Variants in MYO1D observed in about 807,000 individuals in gnomAD.
MYO1D encodes the protein myosin ID.
MYO1D carries 83 observed loss-of-function variants against 122.0 expected under a neutral mutation model. The ratio of observed to expected loss-of-function variants is 0.68; its 90% confidence interval spans 0.57 to 0.82. MYO1D has a LOEUF of 0.82. Ranked by LOEUF, MYO1D falls within the 40% of genes least tolerant of loss-of-function variation. MYO1D has a pLI of 0.00. For synonymous variants in MYO1D, 464 were observed against 446.9 expected (o/e 1.04, Z -0.48); for missense variants, 1,157 against 1,269.5 (o/e 0.91, Z 1.35).
In MYO1D at chr17:32,633,783, C is replaced by T. The variant is rs534554122; in HGVS notation, c.2709+4939G>A. 1.6e-4 allele frequency among the ~76,000 whole-genome samples: 24 copies of T among 152,232 alleles called. No individual in the cohort carries two copies. The South Asian group carries it at 4.8e-3, about 30-fold the overall frequency. ...AAATACTTTCCACCAAGTACACGTA[C>T]GGTTCATTCCTTAACTCCTTCAAGT... On this transcript the variant is annotated intron_variant, in intron 20 of 21. Coordinates refer to ENST00000318217, the MANE Select transcript of MYO1D (RefSeq NM_015194.3).
At chr17:32,516,820 C>T (rs574272844) in intron 21 of MYO1D, among the ~76,000 whole-genome samples, 4 of 152,330 alleles carry the variant, frequency 2.6e-5, no homozygotes, top group African/African-American at 9.6e-5. Context: ...GGATCTGCTG[C>T]TACTTGCTAC....
chr17:32,792,207 A>C (rs751056211), intron 1 of MYO1D, among the ~76,000 whole-genome samples: 5 of 152,202 alleles, frequency 3.3e-5, no homozygotes, highest in Non-Finnish European at 7.3e-5. Context: ...TCTAGAATTC[A>C]AATTATTAGT....
At position 32,745,292 on chromosome 17, in the gene MYO1D, G is replaced by C; in HGVS notation, c.1539-7C>G. On this transcript the variant is annotated splice_region_variant and splice_polypyrimidine_tract_variant and intron_variant, in intron 12 of 21. Coordinates refer to ENST00000318217, the MANE Select transcript of MYO1D (RefSeq NM_015194.3). Reference sequence around the variant, plus strand: ...AAAACCAATGACAGAATAGCTAACAGGGAAAAATCACAGAAAACATGTATC... The same window carrying C: ...AAAACCAATGACAGAATAGCTAACACGGAAAAATCACAGAAAACATGTATC... The C allele has an allele frequency of 6.6e-7, 1 of 1,518,420 alleles. No homozygotes were observed. The highest frequency in any genetic ancestry group is 9.0e-7 in the Non-Finnish European group (1 of 1,107,898). 94.1% of individuals were successfully genotyped at this position (1,518,420 alleles called of 1,614,324 possible).
intron 1 of MYO1D, among the ~76,000 whole-genome samples, chr17:32,818,375 G>C (rs1246333130): frequency 6.6e-6 from 1 of 152,116 alleles, no homozygotes; most frequent in African/African-American, 2.4e-5. Context: ...CATTATGGAA[G>C]GAGGGTTGGC....
intron 21 of MYO1D, among the ~76,000 whole-genome samples, chr17:32,589,785 G>A (rs1402481977): frequency 6.6e-6 from 1 of 152,132 alleles, no homozygotes; most frequent in African/African-American, 2.4e-5. Context: ...TTACTAAAGG[G>A]GTGGCAAAAT....
chr17:32,867,913 A>T (rs1223554181), intron 1 of MYO1D, among the ~76,000 whole-genome samples: 4 of 144,674 alleles, frequency 2.8e-5, no homozygotes, highest in Non-Finnish European at 4.5e-5. Context: ...TTATAGATTT[A>T]AAAAAAAAAC....
intron 21 of MYO1D, among the ~76,000 whole-genome samples, chr17:32,600,543 G>A (rs1232148198): frequency 6.6e-6 from 1 of 152,190 alleles, no homozygotes; most frequent in South Asian, 2.1e-4. Context: ...ATCACTTGCT[G>A]CTTCACCTTG....
At chr17:32,750,018 TC>T (rs1281500195) in intron 11 of MYO1D, among the ~76,000 whole-genome samples, 1 of 152,322 alleles carries the variant, frequency 6.6e-6, no homozygotes, top group East Asian at 1.9e-4. Flanking sequence ...TGGAAAGGAC[TC>T]CTGGAATCGA....
intron 4 of MYO1D, among the ~76,000 whole-genome samples, chr17:32,774,656 T>C (rs1363507249): frequency 2.6e-5 from 4 of 152,158 alleles, no homozygotes; most frequent in Non-Finnish European, 5.9e-5. Flanking sequence ...AAGGATCCTT[T>C]TGATTGAATA....
intron 20 of MYO1D, among the ~76,000 whole-genome samples, chr17:32,628,341 G>A (rs1249876360): frequency 2.6e-5 from 4 of 152,174 alleles, no homozygotes; most frequent in Non-Finnish European, 5.9e-5. Context: ...GGGGTCACCC[G>A]TAACTTAATG....
intron 15 of MYO1D, among the ~76,000 whole-genome samples, chr17:32,716,427 G>A (rs1465931144): frequency 6.6e-6 from 1 of 152,118 alleles, no homozygotes; most frequent in Non-Finnish European, 1.5e-5. Flanking sequence ...CAGGGACTTT[G>A]TTTTGTTCCC....
At chr17:32,859,795 CTG>C (rs892125050) in intron 1 of MYO1D, among the ~76,000 whole-genome samples, 4 of 152,156 alleles carry the variant, frequency 2.6e-5, no homozygotes, top group Non-Finnish European at 4.4e-5. Context: ...GCTTGTAAAA[CTG>C]TGTAGAGGAG....
At chr17:32,529,977 T>C (rs1468678566) in intron 21 of MYO1D, 1 of 152,204 alleles carries the variant, frequency 6.6e-6, no homozygotes, top group Admixed American at 6.5e-5. Flanking sequence ...CCTTGGTTCA[T>C]TACCAGTCTG....
intron 20 of MYO1D, among the ~76,000 whole-genome samples, chr17:32,635,234 TAGAC>T (rs2088081211): frequency 6.6e-6 from 1 of 151,998 alleles, no homozygotes; most frequent in Admixed American, 6.6e-5. Flanking sequence ...AGTAAGAAGA[TAGAC>T]AAAGAGAAAA....
intron 21 of MYO1D, among the ~76,000 whole-genome samples, chr17:32,587,466 C>T (rs1033115092): frequency 4.7e-5 from 7 of 148,960 alleles, no homozygotes; most frequent in South Asian, 4.2e-4. Flanking sequence ...GAGCCAAGAT[C>T]GTGCCACTGC....
intron 21 of MYO1D, among the ~76,000 whole-genome samples, chr17:32,515,417 A>G (rs541654973): frequency 6.6e-6 from 1 of 152,166 alleles, no homozygotes; most frequent in South Asian, 2.1e-4. Flanking sequence ...TTAGCCTCCT[A>G]TATAGCTGGG....
intron 21 of MYO1D, among the ~76,000 whole-genome samples, chr17:32,555,478 TA>T (rs1279642291): frequency 6.6e-6 from 1 of 152,156 alleles, no homozygotes; most frequent in East Asian, 1.9e-4. Flanking sequence ...GTATATTTTC[TA>T]AAATTTCTAC....
intron 14 of MYO1D, among the ~76,000 whole-genome samples, chr17:32,736,734 T>TA (rs2089705880): frequency 6.6e-6 from 1 of 152,278 alleles, no homozygotes; most frequent in African/African-American, 2.4e-5. Flanking sequence ...GTTAATTGAC[T>TA]AACTGTAGTT....
chr17:32,781,906 A>G (rs186194134), intron 1 of MYO1D, among the ~76,000 whole-genome samples: 2 of 152,334 alleles, frequency 1.3e-5, no homozygotes, highest in African/African-American at 4.8e-5. Flanking sequence ...CAGAGCTTAG[A>G]TGTTTCCACA....
Sources: allele counts gnomAD v4.1 joint callset (sites outside exome capture counted in the v4.1 genomes callset), GRCh38; gene constraint gnomAD v4.1.1; transcripts MANE v1.5; gene names NCBI Gene and HGNC (gene_info 2026-07-23, HGNC 2026-07-21).